The following SYNDIG1 variants were observed in gnomAD, a reference collection of about 807,000 sequenced individuals.
SYNDIG1 encodes synapse differentiation inducing 1, also known as synapse differentiation-inducing gene protein 1.
Under a neutral mutation model 19.4 loss-of-function variants are expected in SYNDIG1, and 9 were observed. The ratio of observed to expected loss-of-function variants is 0.46; its 90% CI spans 0.28 to 0.81. The LOEUF (loss-of-function observed/expected upper bound fraction) is 0.81. Among genes scored for constraint, SYNDIG1 ranks in the 30% least tolerant of loss-of-function variants. The pLI is 0.12. For synonymous variants in SYNDIG1, 141 were observed against 145.9 expected, an observed-to-expected ratio of 0.97 and a Z score of 0.24; for missense variants, 311 against 343.3, an observed-to-expected ratio of 0.91 and a Z score of 0.74.
chr20:24,594,374 A>C (rs1200568524), intron 3 of SYNDIG1, among the ~76,000 whole-genome samples: 1 of 151,976 alleles, frequency 6.6e-6, no homozygotes, highest in African/African-American at 2.4e-5. Flanking sequence ...ATTCTGTTTC[A>C]TTGGTCTATA....
At chr20:24,482,963 T>C (rs2055840073) in intron 1 of SYNDIG1, among the ~76,000 whole-genome samples, 1 of 152,228 alleles carries the variant, frequency 6.6e-6, no homozygotes, top group Non-Finnish European at 1.5e-5. Context: ...ACTTCCATGG[T>C]TTTAATTTTC....
At chr20:24,508,298 G>T (rs534976627) in intron 1 of SYNDIG1, among the ~76,000 whole-genome samples, 1 of 122,560 alleles carries the variant, frequency 8.2e-6, no homozygotes, top group South Asian at 2.7e-4. Flanking sequence ...GCACAATCTC[G>T]GCTCACTGCA....
intron 3 of SYNDIG1, among the ~76,000 whole-genome samples, chr20:24,594,141 C>T (rs181210760): frequency 5.3e-5 from 8 of 152,178 alleles, no homozygotes; most frequent in African/African-American, 1.9e-4. Context: ...CCTAGGTTAT[C>T]TTCCAGGGTT....
chr20:24,654,948 T>C (rs2059510246), intron 3 of SYNDIG1, among the ~76,000 whole-genome samples: 1 of 152,194 alleles, frequency 6.6e-6, no homozygotes, highest in Admixed American at 6.5e-5. Context: ...CAGTCAAACA[T>C]GGCAATAGAA....
intron 3 of SYNDIG1, chr20:24,597,218 A>G (rs536552074): frequency 6.6e-6 from 1 of 152,256 alleles, no homozygotes; most frequent in South Asian, 2.1e-4. Context: ...TCCATTGTAC[A>G]TTTGTCTGCA....
chr20:24,625,953 C>G, intron 3 of SYNDIG1, among the ~76,000 whole-genome samples: 1 of 151,562 alleles, frequency 6.6e-6, no homozygotes, highest in Non-Finnish European at 1.5e-5. Flanking sequence ...GGCAGAGGCG[C>G]CCCTCACCTC....
Position 24,474,550 on chromosome 20 carries a change from CAG to C in SYNDIG1, c.-79+4803_-79+4804del, listed in dbSNP as rs776990354. On this transcript the variant is annotated intron_variant, in intron 1 of 3. Coordinates refer to ENST00000376862, the MANE Select transcript of SYNDIG1 (RefSeq NM_024893.3). ...TTTAGGAGTTCAGTTAGCATTATTT[CAG>C]AGAGATGGGCCTTGCAATCCGTGTT... Among the ~76,000 whole-genome samples, 11 of 152,236 alleles carry C rather than the reference CAG, an allele frequency of 7.2e-5. 1 individual carries two copies. In the South Asian group the frequency reaches 1.0e-3, roughly 14 times the overall value.
At chr20:24,596,016 C>G (rs1371257352) in intron 3 of SYNDIG1, among the ~76,000 whole-genome samples, 1 of 152,084 alleles carries the variant, frequency 6.6e-6, no homozygotes, top group Non-Finnish European at 1.5e-5. Context: ...TTGGTTTGCT[C>G]TTGTTTCTCT....
intron 2 of SYNDIG1, among the ~76,000 whole-genome samples, chr20:24,554,123 T>G (rs141175115): frequency 0.02 from 3,096 of 152,328 alleles, 97 homozygotes; most frequent in African/African-American, 0.07. Context: ...TATTGGTGTA[T>G]AAGAATGCTT....
chr20:24,558,751 A>G (rs1032129807), intron 2 of SYNDIG1, among the ~76,000 whole-genome samples: 4 of 152,210 alleles, frequency 2.6e-5, no homozygotes, highest in African/African-American at 9.6e-5. Context: ...TAATTTATCC[A>G]AGTTACTTCA....
intron 1 of SYNDIG1, among the ~76,000 whole-genome samples, chr20:24,475,539 C>G (rs75020101): frequency 6.6e-6 from 1 of 152,128 alleles, no homozygotes; most frequent in Non-Finnish European, 1.5e-5. Flanking sequence ...AGGTAGTGTG[C>G]GTGGTTTCTG....
intron 1 of SYNDIG1, among the ~76,000 whole-genome samples, chr20:24,479,506 C>T (rs1439536456): frequency 6.6e-6 from 1 of 152,164 alleles, no homozygotes; most frequent in Non-Finnish European, 1.5e-5. Context: ...CCTCCAGCCC[C>T]TCAGGCTTCC....
At chr20:24,575,564 A>T (rs1275441918) in intron 2 of SYNDIG1, among the ~76,000 whole-genome samples, 1 of 152,170 alleles carries the variant, frequency 6.6e-6, no homozygotes, top group Non-Finnish European at 1.5e-5. Context: ...TGGGAACTTC[A>T]TCTCATTTGT....
chr20:24,567,146 G>T lies in SYNDIG1; in HGVS notation c.481-17710G>T, dbSNP rs141216225. Among the ~76,000 whole-genome samples, 45 of 152,262 alleles carry T rather than the reference G, an allele frequency of 3.0e-4. 1 individual carries two copies. The highest frequency in any genetic ancestry group is 9.6e-4 in the African/African-American group (40 of 41,550). ...TTCAGGCTTGCGGATGGTTTGAAGGGTGAGTAAAGCAGGGTTTTATTGAGT... is the reference window on the plus strand; with the variant it reads ...TTCAGGCTTGCGGATGGTTTGAAGGTTGAGTAAAGCAGGGTTTTATTGAGT... On this transcript the variant is annotated intron_variant, in intron 2 of 3. Coordinates refer to ENST00000376862, the MANE Select transcript of SYNDIG1 (RefSeq NM_024893.3).
intron 3 of SYNDIG1, among the ~76,000 whole-genome samples, chr20:24,634,160 A>G (rs6049824): frequency 9.2e-5 from 14 of 152,266 alleles, no homozygotes; most frequent in African/African-American, 2.9e-4. Flanking sequence ...TGCCTTTATC[A>G]ATGTGTGTGT....
chr20:24,476,141 A>G (rs116530851), intron 1 of SYNDIG1, among the ~76,000 whole-genome samples: 4 of 152,058 alleles, frequency 2.6e-5, no homozygotes, highest in African/African-American at 4.8e-5. Flanking sequence ...AATTACATGC[A>G]TGAGCCACTG....
At chr20:24,665,240 C>T (rs2059636965) in intron 3 of SYNDIG1, 106 bp from the exon 4 acceptor site, 4 of 1,369,484 alleles carry the variant, frequency 2.9e-6, no homozygotes, top group Middle Eastern at 1.9e-4. Context: ...GCCTTCTCTG[C>T]ATCAACAATG....
chr20:24,570,280 T>C lies in SYNDIG1; in HGVS notation c.481-14576T>C, dbSNP rs577701261. 3.9e-5 allele frequency among the ~76,000 whole-genome samples: 6 copies of C among 152,206 alleles called. No homozygotes were observed. In the East Asian group the frequency reaches 9.6e-4, roughly 24 times the overall value. On this transcript the variant is annotated intron_variant, in intron 2 of 3. Transcript: ENST00000376862. ...GCTATGACATCAGAAAAACAATCTA[T>C]AAAAGAAAGAATAGACAAATTTTAC...
At chr20:24,603,243 G>C (rs2058704965) in intron 3 of SYNDIG1, among the ~76,000 whole-genome samples, 1 of 152,076 alleles carries the variant, frequency 6.6e-6, no homozygotes, top group South Asian at 2.1e-4. Flanking sequence ...AGTGTCCGGA[G>C]TTGGGAGAGA....
Sources: gnomAD v4.1 joint callset for allele counts (sites outside exome capture counted in the v4.1 genomes callset) on GRCh38, gnomAD v4.1.1 for gene constraint, MANE v1.5 for transcripts, NCBI Gene and HGNC (gene_info 2026-07-23, HGNC 2026-07-21) for gene names.